Variants in DCAF8L2 observed in about 807,000 individuals in gnomAD.
DCAF8L2 encodes the protein DDB1- and CUL4-associated factor 8-like protein 2.
For missense variants in DCAF8L2, 430 were observed against 490.7 expected, an observed-to-expected ratio of 0.88 and a Z score of 1.17; for synonymous variants, 200 against 190.9, an observed-to-expected ratio of 1.05 and a Z score of -0.39.
At chrX:27,598,107 A>T (rs2147115530) in intron 1 of DCAF8L2, among the ~76,000 whole-genome samples, 1 of 112,483 alleles carries the variant, frequency 8.9e-6, no homozygotes, top group East Asian at 2.8e-4. Flanking sequence ...AAAATAAAAT[A>T]TTCTCCCTAT....
the DCAF8L2 span, among the ~76,000 whole-genome samples, chrX:27,509,795 AAG>A: frequency 2.7e-5 from 3 of 111,568 alleles, no homozygotes; most frequent in Admixed American, 2.9e-4. Flanking sequence ...CATCAATAAA[AAG>A]AGATTGTACA....
the DCAF8L2 span, among the ~76,000 whole-genome samples, chrX:27,562,910 T>C: frequency 1.8e-5 from 2 of 112,249 alleles, no homozygotes; most frequent in South Asian, 7.4e-4. Flanking sequence ...CTCATCACCA[T>C]GTCTATTGCA....
the DCAF8L2 span, among the ~76,000 whole-genome samples, chrX:27,528,753 A>G: frequency 9.0e-6 from 1 of 110,612 alleles, no homozygotes; most frequent in African/African-American, 3.3e-5. Flanking sequence ...CAACCTAGTG[A>G]CTACATTTAA....
intron 4 of DCAF8L2, among the ~76,000 whole-genome samples, chrX:27,718,228 A>G (rs1020418112): frequency 9.0e-6 from 1 of 111,492 alleles, no homozygotes; most frequent in East Asian, 2.8e-4. Flanking sequence ...TTTTGTCACT[A>G]TAGTTTTGCC....
chrX:27,699,841 A>G (rs143021575), intron 3 of DCAF8L2, among the ~76,000 whole-genome samples: 3 of 111,167 alleles, frequency 2.7e-5, no homozygotes, highest in African/African-American at 9.8e-5. Context: ...AGCCTGGGCA[A>G]CATAGGGATA....
At chrX:27,483,979 C>G in the DCAF8L2 span, among the ~76,000 whole-genome samples, 1 of 111,378 alleles carries the variant, frequency 9.0e-6, no homozygotes, top group Admixed American at 9.6e-5. Flanking sequence ...TCAAGCAGAT[C>G]TTTCTGATGT....
At chrX:27,490,159 C>T in the DCAF8L2 span, among the ~76,000 whole-genome samples, 1 of 112,151 alleles carries the variant, frequency 8.9e-6, no homozygotes, top group Admixed American at 9.5e-5. Flanking sequence ...CCTTATTTTG[C>T]ATTTGGTATT....
At chrX:27,559,720 G>T in the DCAF8L2 span, among the ~76,000 whole-genome samples, 1 of 111,423 alleles carries the variant, frequency 9.0e-6, no homozygotes, top group African/African-American at 3.3e-5. Flanking sequence ...GTAGGTCACT[G>T]TCTACTTTGC....
At chrX:27,673,691 G>T (rs142437054) in intron 2 of DCAF8L2, among the ~76,000 whole-genome samples, 1 of 107,041 alleles carries the variant, frequency 9.3e-6, no homozygotes, top group African/African-American at 3.4e-5. Context: ...GTATATATAC[G>T]TGGTTGTGTG....
the DCAF8L2 span, among the ~76,000 whole-genome samples, chrX:27,572,635 G>A: frequency 3.6e-5 from 4 of 111,841 alleles, no homozygotes; most frequent in Admixed American, 9.5e-5. Flanking sequence ...GAAGGTTGTC[G>A]GACATGTGCA....
chrX:27,620,642 G>A (rs1927712420), intron 1 of DCAF8L2, among the ~76,000 whole-genome samples: 1 of 111,995 alleles, frequency 8.9e-6, no homozygotes, highest in African/African-American at 3.2e-5. Context: ...CATCAGGGTA[G>A]CTACTATAAA....
chrX:27,519,759 T>C, the DCAF8L2 span: 1 of 547,247 alleles, frequency 1.8e-6, no homozygotes, highest in East Asian at 3.3e-5. Context: ...AAGCCAGAGA[T>C]GAAACCAATT....
chrX:27,543,340 A>T, the DCAF8L2 span, among the ~76,000 whole-genome samples: 2 of 112,111 alleles, frequency 1.8e-5, no homozygotes, highest in Non-Finnish European at 3.8e-5. Flanking sequence ...CCATTGGTCT[A>T]CATGTCTGTT....
At chrX:27,528,426 A>AT in the DCAF8L2 span, among the ~76,000 whole-genome samples, 6 of 104,788 alleles carry the variant, frequency 5.7e-5, no homozygotes, top group Non-Finnish European at 1.2e-4. Flanking sequence ...TCTGTTTTAC[A>AT]TATATATGTA....
At chrX:27,676,703 T>C (rs1930150103) in intron 2 of DCAF8L2, among the ~76,000 whole-genome samples, 1 of 111,524 alleles carries the variant, frequency 9.0e-6, no homozygotes, top group Non-Finnish European at 1.9e-5. Flanking sequence ...CTCTAACTGT[T>C]GCTGCTGTTG....
chrX:27,705,914 C>A (rs1931328319), intron 3 of DCAF8L2, among the ~76,000 whole-genome samples: 1 of 111,626 alleles, frequency 9.0e-6, no homozygotes, highest in Non-Finnish European at 1.9e-5. Context: ...AGAGTTTTCA[C>A]AGATTTAGGT....
At chrX:27,596,689 C>T (rs886358172) in intron 1 of DCAF8L2, among the ~76,000 whole-genome samples, 4 of 111,040 alleles carry the variant, frequency 3.6e-5, no homozygotes, top group Admixed American at 2.9e-4. Context: ...AGAAGAATCC[C>T]ATAAAAACAA....
intron 4 of DCAF8L2, among the ~76,000 whole-genome samples, chrX:27,727,095 T>C (rs1932095399): frequency 8.9e-6 from 1 of 112,142 alleles, no homozygotes; most frequent in African/African-American, 3.2e-5. Flanking sequence ...TGTAGTATTC[T>C]AGTGGACATC....
intron 3 of DCAF8L2, among the ~76,000 whole-genome samples, chrX:27,692,613 T>C (rs1217585228): frequency 8.9e-6 from 1 of 112,116 alleles, no homozygotes; most frequent in Non-Finnish European, 1.9e-5. Context: ...GAAATTTTTC[T>C]GAAAGAGTTA....
Sources: gnomAD v4.1 joint callset for allele counts (sites outside exome capture counted in the v4.1 genomes callset) on GRCh38, gnomAD v4.1.1 for gene constraint, MANE v1.5 for transcripts, NCBI Gene and HGNC (gene_info 2026-07-23, HGNC 2026-07-21) for gene names.